PRDM16: variants seen among roughly 807,000 people sequenced by gnomAD.
PRDM16 encodes the protein PR/SET domain 16, also known as histone-lysine N-methyltransferase PRDM16.
In PRDM16, 23 loss-of-function variants were observed where a neutral mutation model predicts 110.6. That is an observed-to-expected ratio of 0.21 (90% CI 0.15 to 0.29). PRDM16 has a LOEUF of 0.29. Among genes scored for constraint, PRDM16 ranks in the 10% least tolerant of loss-of-function variants. The pLI, the probability that PRDM16 is intolerant of heterozygous loss-of-function variation, is 1.00. For synonymous variants in PRDM16, 799 were observed against 781.8 expected (o/e 1.02, Z -0.37); for missense variants, 1,615 against 1,794.3 (o/e 0.90, Z 1.81).
At position 3,415,757 on chromosome 1, in the gene PRDM16, G is replaced by T. The variant is rs540537632; in HGVS notation, c.2691+1110G>T. On this transcript the variant is annotated intron_variant, in intron 10 of 16. Coordinates refer to ENST00000270722, the MANE Select transcript of PRDM16 (RefSeq NM_022114.4). The stretch of plus-strand genomic sequence containing the variant: ...CTGCCCCCACGGGCCTGCCACCCCC[G>T]CTGCCTGTCCCTGCAGCCCGGAGCC... Among the ~76,000 whole-genome samples, 3 of 152,318 alleles carry T rather than the reference G, an allele frequency of 2.0e-5. No homozygotes were observed. The South Asian group carries it at 6.2e-4, about 32-fold the overall frequency.
intron 1 of PRDM16, among the ~76,000 whole-genome samples, chr1:3,181,653 C>T (rs1644195622): frequency 7.1e-6 from 1 of 139,968 alleles, no homozygotes; most frequent in Non-Finnish European, 1.6e-5. Flanking sequence ...CGGTCTTACA[C>T]ACGGTCTTAC....
chr1:3,433,523 TG>T (rs1638826518), intron 16 of PRDM16, among the ~76,000 whole-genome samples, 153 bp from the exon 17 acceptor site: 1 of 144,790 alleles, frequency 6.9e-6, no homozygotes, highest in African/African-American at 2.5e-5. Context: ...CGCGCTCACC[TG>T]CCTGTCTGGG....
At position 3,435,460 on chromosome 1, in the gene PRDM16, A is replaced by T; in HGVS notation, c.*1649A>T. 2 of 230,838 alleles carry T rather than the reference A, an allele frequency of 8.7e-6. No homozygotes were observed. The highest frequency in any genetic ancestry group is 1.7e-5 in the Non-Finnish European group (2 of 116,684). 14.3% of individuals were successfully genotyped at this position (230,838 alleles called of 1,614,324 possible). A position where few individuals can be genotyped will look rare whatever the true frequency, so the allele number is the denominator to read the frequency against. ...CCCTGCTGCCGTTTACCAGACAATC[A>T]TATGTTTTTGTTAAATTTGCGTTTC... On this transcript the variant is annotated 3_prime_UTR_variant, in exon 17 of 17. Transcript: ENST00000270722.
rs368564328 is a variant in PRDM16, at chr1:3,148,607, G to C, written c.38-37518G>C. Reference sequence around the variant, plus strand: ...AACTCCTTGCTGGGACCTCCTTGACGCTCACGGGGCTCAGATCCCATCTCA... The same window carrying C: ...AACTCCTTGCTGGGACCTCCTTGACCCTCACGGGGCTCAGATCCCATCTCA... On this transcript the variant is annotated intron_variant, in intron 1 of 16. Coordinates refer to ENST00000270722, the MANE Select transcript of PRDM16 (RefSeq NM_022114.4). This position sits in a 1 kb window ranked among gnomAD's most constrained non-coding sequence, Gnocchi z 5.0. Among the ~76,000 whole-genome samples the C allele has an allele frequency of 1.3e-4, 20 of 152,190 alleles. No homozygotes were observed. The highest frequency in any genetic ancestry group is 4.8e-4 in the African/African-American group (20 of 41,442).
intron 1 of PRDM16, among the ~76,000 whole-genome samples, chr1:3,171,791 A>G (rs1173373900): frequency 6.6e-6 from 1 of 152,058 alleles, no homozygotes; most frequent in Non-Finnish European, 1.5e-5. Flanking sequence ...AGCCTGAGGA[A>G]GCCTCCGGGT....
intron 2 of PRDM16, among the ~76,000 whole-genome samples, chr1:3,218,349 G>T (rs551233720): frequency 1.3e-5 from 2 of 152,246 alleles, no homozygotes; most frequent in Admixed American, 6.5e-5. Context: ...ATCGGAGAAG[G>T]GGGGAGGGCA....
intron 3 of PRDM16, among the ~76,000 whole-genome samples, chr1:3,299,628 G>A (rs1335073154): frequency 1.6e-5 from 2 of 128,868 alleles, no homozygotes; most frequent in Non-Finnish European, 3.3e-5. Context: ...TCCCAGTCAT[G>A]GTGACTCTGC....
rs1046823595 is a variant in PRDM16 at position 3,146,149 on chromosome 1, C to T, written c.38-39976C>T. Among the ~76,000 whole-genome samples the T allele has an allele frequency of 2.6e-5, 4 of 152,326 alleles. No individual in the cohort carries two copies. The South Asian group carries it at 6.2e-4, about 24-fold the overall frequency. On this transcript the variant is annotated intron_variant, in intron 1 of 16. Coordinates refer to ENST00000270722, the MANE Select transcript of PRDM16 (RefSeq NM_022114.4). ...CTCTGCTGCACTGCAGACTCTCCAG[C>T]CCCCGCACATTTGGGATATTCTGCC...
At chr1:3,227,145 G>A (rs1056121005) in intron 2 of PRDM16, among the ~76,000 whole-genome samples, 3 of 152,266 alleles carry the variant, frequency 2.0e-5, no homozygotes, top group East Asian at 1.9e-4. Flanking sequence ...TGCCTTTGCA[G>A]GAGCCAGCCT....
rs1444432059 is a variant in PRDM16 at position 3,235,708 on chromosome 1, A to G, written c.388-8379A>G. Among the ~76,000 whole-genome samples, 5 of 152,304 alleles carry G rather than the reference A, an allele frequency of 3.3e-5. No individual in the cohort carries two copies. The East Asian group carries it at 5.8e-4, about 18-fold the overall frequency. On this transcript the variant is annotated intron_variant, in intron 2 of 16. Coordinates refer to ENST00000270722, the MANE Select transcript of PRDM16 (RefSeq NM_022114.4). ...CCCCAGCTCCGCCTGACATGGGGGA[A>G]AGAGCGCCCGTGAGTCCAGGACGGC...
At chr1:3,139,232 T>C (rs1156930221) in intron 1 of PRDM16, among the ~76,000 whole-genome samples, 1 of 152,178 alleles carries the variant, frequency 6.6e-6, no homozygotes, top group Non-Finnish European at 1.5e-5. Context: ...GCCTCCCCTA[T>C]GTGGAACTGG....
intron 1 of PRDM16, among the ~76,000 whole-genome samples, chr1:3,086,504 C>T (rs1339911580): frequency 6.6e-6 from 1 of 152,104 alleles, no homozygotes; most frequent in Admixed American, 6.6e-5. Flanking sequence ...TGGCCTCCTC[C>T]CTCCGCTACT....
chr1:3,159,479 G>A (rs959995583), intron 1 of PRDM16, among the ~76,000 whole-genome samples: 22 of 152,334 alleles, frequency 1.4e-4, no homozygotes, highest in Middle Eastern at 6.8e-3. Context: ...GTGTGTCTGT[G>A]TCCTCATCTC....
chr1:3,362,770 C>A (rs1177694233), intron 3 of PRDM16, among the ~76,000 whole-genome samples: 2 of 152,264 alleles, frequency 1.3e-5, no homozygotes, highest in South Asian at 2.1e-4. Context: ...ATCCTAAAAT[C>A]CCCCCCGTGG....
chr1:3,088,737 A>G (rs1642207289), intron 1 of PRDM16, among the ~76,000 whole-genome samples: 1 of 150,404 alleles, frequency 6.6e-6, no homozygotes, highest in South Asian at 2.1e-4. Flanking sequence ...GGCGTGAGTC[A>G]CGGCGCCCGG....
intron 1 of PRDM16, among the ~76,000 whole-genome samples, chr1:3,086,734 C>T (rs543271338): frequency 3.1e-4 from 47 of 152,294 alleles, no homozygotes; most frequent in Middle Eastern, 6.8e-3. Flanking sequence ...TCGGAGCTAA[C>T]GAGTGGTTCT....
chr1:3,350,683 C>T lies in PRDM16; in HGVS notation c.439-34469C>T, dbSNP rs572059397. 3.2e-3 allele frequency among the ~76,000 whole-genome samples: 482 copies of T among 152,248 alleles called. 5 individuals carry two copies. Among genetic ancestry groups the T allele is most frequent in the African/African-American group, 0.011 (465 of 41,556 alleles). On this transcript the variant is annotated intron_variant, in intron 3 of 16. Coordinates refer to ENST00000270722, the MANE Select transcript of PRDM16 (RefSeq NM_022114.4). This position sits in a 1 kb window ranked among gnomAD's most constrained non-coding sequence, Gnocchi z 7.1. ...CCCTGGGAGCACCCAGAAGGCAGGG[C>T]TTTGGCACCATGCAGCCTCCCAGAT...
In PRDM16 at chr1:3,172,981, G is replaced by T. The variant is rs932048490; in HGVS notation, c.38-13144G>T. On this transcript the variant is annotated intron_variant, in intron 1 of 16. Transcript: ENST00000270722. ...CTGCCCACAGTCTTTCTAGAAGCAC[G>T]CTGTCACGATGCCAGATCTTAGCTC... Among the ~76,000 whole-genome samples the T allele has an allele frequency of 1.3e-5, 2 of 152,248 alleles. 1 individual carries two copies. The highest frequency in any genetic ancestry group is 4.1e-4 in the South Asian group (2 of 4,834).
intron 3 of PRDM16, among the ~76,000 whole-genome samples, chr1:3,372,932 G>A (rs1288919705): frequency 1.3e-5 from 2 of 152,218 alleles, no homozygotes; most frequent in African/African-American, 4.8e-5. Flanking sequence ...CAGAGCCTGC[G>A]GGCTCGGGGA....
Sources: gnomAD v4.1 joint callset for allele counts (sites outside exome capture counted in the v4.1 genomes callset) on GRCh38, gnomAD v4.1.1 for gene constraint, Gnocchi (gnomAD v3.1) non-coding constraint, MANE v1.5 for transcripts, NCBI Gene and HGNC (gene_info 2026-07-23, HGNC 2026-07-21) for gene names.